ATAD1: variants seen among roughly 807,000 people sequenced by gnomAD.
ATAD1 encodes ATPase family AAA domain containing 1, also known as outer mitochondrial transmembrane helix translocase.
In ATAD1, 18 loss-of-function variants were observed where a neutral mutation model predicts 42.7. The observed-to-expected ratio is 0.42, with a 90% CI of 0.29 to 0.63. ATAD1 has a LOEUF of 0.63. Ranked by LOEUF, ATAD1 falls within the 20% of genes least tolerant of loss-of-function variation. ATAD1 has a pLI of 0.19. For synonymous variants in ATAD1, 132 were observed against 143.1 expected (o/e 0.92, Z 0.55); for missense variants, 294 against 440.4 (o/e 0.67, Z 2.98).
intron 2 of ATAD1, among the ~76,000 whole-genome samples, chr10:87,810,075 T>C (rs1857112367): frequency 6.6e-6 from 1 of 152,220 alleles, no homozygotes; most frequent in Non-Finnish European, 1.5e-5. Flanking sequence ...TTGGGTTTTA[T>C]TGATTTTTCT....
At position 87,792,702 on chromosome 10, in the gene ATAD1, A is replaced by C. The variant is rs749081136; in HGVS notation, c.216T>G (p.Tyr72Ter). ...CAAGATGAGCAGCAATACTCATTTC[A>C]TATTCTGAGAGCTTCACATTTTTCA... The part of the protein sequence containing the change: ...IGVKNVKLSE[Y>*]EMSIAAHLVD... The change falls in exon 3 of 10, where the codon TAT becomes TAG. Residue 72 changes from tyrosine to a stop codon, truncating the protein, a stop_gained. Transcript: ENST00000680024. LOFTEE classifies it high-confidence loss of function. 6.2e-7 allele frequency: 1 copy of C among 1,613,902 alleles called. No homozygotes were observed. The highest frequency in any genetic ancestry group is 8.5e-7 in the Non-Finnish European group (1 of 1,179,962).
In ATAD1 at chr10:87,814,561, C is replaced by T; in HGVS notation, c.39G>A (p.Arg13=). The T allele has an allele frequency of 6.2e-7, 1 of 1,611,504 alleles. No individual in the cohort carries two copies. Among genetic ancestry groups the T allele is most frequent in the Non-Finnish European group, 8.5e-7 (1 of 1,178,802 alleles). ...GGAAAATTAAACCAACAACTTCATT[C>T]CGACTCAAAGGACGAGAAAAGGCTT... ...HAEAFSRPLS[R]NEVVGLIFRL... is the part of the protein sequence containing the mutation. The change falls in exon 2 of 10, where the codon CGG becomes CGA. Residue 13 remains arginine (R), a synonymous_variant. Transcript: ENST00000680024.
At chr10:87,777,585 A>G (rs1303073888) in intron 5 of ATAD1, among the ~76,000 whole-genome samples, 1 of 151,860 alleles carries the variant, frequency 6.6e-6, no homozygotes, top group Non-Finnish European at 1.5e-5. Flanking sequence ...AAGGTGCTAC[A>G]TCCTAATAAT....
chr10:87,824,070 T>C (rs760213267), intron 1 of ATAD1, among the ~76,000 whole-genome samples: 10 of 148,962 alleles, frequency 6.7e-5, no homozygotes, highest in Non-Finnish European at 1.2e-4. Context: ...CACAGAATTA[T>C]AGTTGAAGTC....
chr10:87,803,101 T>C (rs1203868396), intron 2 of ATAD1, among the ~76,000 whole-genome samples: 5 of 152,232 alleles, frequency 3.3e-5, no homozygotes, highest in Non-Finnish European at 5.9e-5. Flanking sequence ...TCAGGTAATG[T>C]GGCCTATATA....
intron 3 of ATAD1, among the ~76,000 whole-genome samples, chr10:87,792,356 T>C (rs894001904): frequency 2.6e-5 from 4 of 152,194 alleles, no homozygotes; most frequent in Non-Finnish European, 4.4e-5. Flanking sequence ...GCTTTCCTGG[T>C]GACAACACTG....
At chr10:87,817,891 T>A in intron 1 of ATAD1, 1 of 985,470 alleles carries the variant, frequency 1.0e-6, no homozygotes, top group Non-Finnish European at 1.2e-6. Context: ...CCGACAAAGA[T>A]TCCCTCGGGA....
chr10:87,765,575 T>C (rs934240499), intron 8 of ATAD1, among the ~76,000 whole-genome samples: 1 of 152,066 alleles, frequency 6.6e-6, no homozygotes, highest in Non-Finnish European at 1.5e-5. Context: ...CAAATCTCCA[T>C]AATACAAAGA....
chr10:87,841,117 G>A (rs1858026198), intron 1 of ATAD1: 1 of 152,020 alleles, frequency 6.6e-6, no homozygotes, highest in African/African-American at 2.4e-5. Flanking sequence ...TGAAAGCTAA[G>A]ATGTAGTTAG....
chr10:87,791,492 A>C lies in ATAD1; in HGVS notation c.262-1062T>G, dbSNP rs374904387. On this transcript the variant is annotated intron_variant, in intron 3 of 9. Coordinates refer to ENST00000680024, the MANE Select transcript of ATAD1 (RefSeq NM_001321967.2). ...AACTTTCACTGTAACAGCAACAAAA[A>C]ACTAAGTCTGTTAGTACAGATTTAT... Among the ~76,000 whole-genome samples the C allele has an allele frequency of 1.1e-4, 16 of 152,202 alleles. No homozygotes were observed. In the East Asian group the frequency reaches 1.9e-3, roughly 18 times the overall value.
At chr10:87,822,316 T>A (rs1857646442), upstream of ATAD1, among the ~76,000 whole-genome samples, 2 of 152,224 alleles carry the variant, frequency 1.3e-5, no homozygotes, top group Admixed American at 6.5e-5. Context: ...TATGAACCAT[T>A]ATTTTGACAA....
intron 1 of ATAD1, among the ~76,000 whole-genome samples, chr10:87,817,477 T>C (rs965377324): frequency 1.3e-5 from 2 of 152,218 alleles, no homozygotes; most frequent in African/African-American, 2.4e-5. Flanking sequence ...CATTTCCGAG[T>C]GGAAAACCGT....
At chr10:87,836,546 T>C (rs1043581490) in intron 1 of ATAD1, among the ~76,000 whole-genome samples, 22 of 152,242 alleles carry the variant, frequency 1.4e-4, no homozygotes, top group African/African-American at 5.1e-4. Flanking sequence ...AAATCTGCAG[T>C]CATTCACACT....
intron 1 of ATAD1, among the ~76,000 whole-genome samples, chr10:87,840,653 T>C (rs1234964153): frequency 2.0e-5 from 3 of 152,224 alleles, no homozygotes; most frequent in African/African-American, 2.4e-5. Context: ...CTAGGCCTCA[T>C]AGCCCTTTTT....
At chr10:87,794,368 T>C (rs1302503023) in intron 2 of ATAD1, among the ~76,000 whole-genome samples, 2 of 152,208 alleles carry the variant, frequency 1.3e-5, no homozygotes, top group African/African-American at 4.8e-5. Flanking sequence ...TTTACTGCCA[T>C]AAGTCGTTTA....
At chr10:87,825,263 A>C (rs1434338870) in intron 1 of ATAD1, among the ~76,000 whole-genome samples, 1 of 151,908 alleles carries the variant, frequency 6.6e-6, no homozygotes, top group Non-Finnish European at 1.5e-5. Context: ...GAGATTTGAG[A>C]AGTCAATACT....
chr10:87,784,654 C>T lies in ATAD1; in HGVS notation c.399G>A (p.Gly133=). 6.2e-7 allele frequency: 1 copy of T among 1,612,616 alleles called. No homozygotes were observed. Among genetic ancestry groups the T allele is most frequent in the East Asian group, 2.2e-5 (1 of 44,848 alleles). Residue 133 remains glycine (G), a synonymous_variant, in exon 5 of 10, where the codon GGG becomes GGA. Transcript: ENST00000680024. ...LQPPKGVLLY[G]PPGCGKTLIA... is the part of the protein sequence containing the mutation. Reference sequence around the variant, plus strand: ...TCAACGTTTTACCACAGCCTGGAGGCCCATAGAGAAGAACACCTGGAAATG... The same window carrying T: ...TCAACGTTTTACCACAGCCTGGAGGTCCATAGAGAAGAACACCTGGAAATG...
chr10:87,838,922 G>T (rs1460358261), intron 1 of ATAD1, among the ~76,000 whole-genome samples: 1 of 152,140 alleles, frequency 6.6e-6, no homozygotes, highest in Non-Finnish European at 1.5e-5. Context: ...ATGGTATTTT[G>T]TTTTGGCACC....
intron 2 of ATAD1, among the ~76,000 whole-genome samples, chr10:87,802,580 C>A (rs957287179): frequency 6.7e-6 from 1 of 150,300 alleles, no homozygotes; most frequent in Non-Finnish European, 1.5e-5. Flanking sequence ...CCAGGGCAGG[C>A]AGATCACCCC....
Sources: gnomAD v4.1 joint callset for allele counts (sites outside exome capture counted in the v4.1 genomes callset) on GRCh38, gnomAD v4.1.1 for gene constraint, MANE v1.5 for transcripts, NCBI Gene and HGNC (gene_info 2026-07-23, HGNC 2026-07-21) for gene names.